Variants in MPDZ observed in about 807,000 individuals in gnomAD.
MPDZ encodes multiple PDZ domain protein.
In MPDZ, 234 loss-of-function variants were observed where a neutral mutation model predicts 239.1. The observed-to-expected ratio is 0.98, with a 90% confidence interval of 0.88 to 1.09. MPDZ has a LOEUF of 1.09. Among genes scored for constraint, MPDZ ranks in the 50% least tolerant of loss-of-function variants. The pLI, the probability that MPDZ is intolerant of heterozygous loss-of-function variation, is 0.00. For synonymous variants in MPDZ, 1,048 were observed against 881.3 expected (o/e 1.19, Z -3.35); for missense variants, 3,175 against 2,510.0 (o/e 1.26, Z -5.66).
intron 1 of MPDZ, among the ~76,000 whole-genome samples, chr9:13,269,788 A>G (rs548179346): frequency 6.6e-6 from 1 of 152,330 alleles, no homozygotes; most frequent in African/African-American, 2.4e-5. Flanking sequence ...CTGAGAATAC[A>G]CTAAGAAAAT....
At chr9:13,154,478 T>TA (rs1949583266) in intron 24 of MPDZ, among the ~76,000 whole-genome samples, 1 of 152,126 alleles carries the variant, frequency 6.6e-6, no homozygotes, top group Non-Finnish European at 1.5e-5. Flanking sequence ...TTTTGCTACT[T>TA]AATGATTATG....
chr9:13,224,462 A>G lies in MPDZ; in HGVS notation c.305T>C (p.Leu102Pro). The change falls in exon 4 of 47, where the codon CTG becomes CCG. Residue 102 changes from leucine (L) to proline (P), a missense_variant. Leu to Pro is a moderately conservative substitution (Grantham distance 98). Coordinates refer to ENST00000319217, the MANE Select transcript of MPDZ (RefSeq NM_001378778.1). ...SFLLSPNNGN[L>P]EALTGPGIPH... The stretch of plus-strand genomic sequence containing the variant: ...AATACCAGGTCCTGTAAGTGCTTCC[A>G]GATTCCCATTGTTTGGGGATAATAA... 6.2e-7 allele frequency: 1 copy of G among 1,613,024 alleles called. No homozygotes were observed. Among genetic ancestry groups the G allele is most frequent in the African/African-American group, 1.3e-5 (1 of 74,988 alleles).
At chr9:13,184,268 T>C (rs914477175) in intron 18 of MPDZ, among the ~76,000 whole-genome samples, 8 of 151,966 alleles carry the variant, frequency 5.3e-5, no homozygotes, top group Non-Finnish European at 1.2e-4. Context: ...AGAATCAAGA[T>C]TAATATTTAA....
intron 27 of MPDZ, among the ~76,000 whole-genome samples, chr9:13,140,423 C>A: frequency 7.1e-6 from 1 of 141,102 alleles, no homozygotes; most frequent in African/African-American, 2.7e-5. Context: ...TATATATGAG[C>A]TTTCCATTAT....
intron 17 of MPDZ, among the ~76,000 whole-genome samples, chr9:13,188,433 G>A (rs143616697): frequency 2.3e-4 from 35 of 152,088 alleles, no homozygotes; most frequent in African/African-American, 7.7e-4. Context: ...CAGGAGAATC[G>A]CTTGAATCTA....
chr9:13,236,171 TTTTG>T (rs1963879096), intron 3 of MPDZ, among the ~76,000 whole-genome samples: 1 of 142,800 alleles, frequency 7.0e-6, no homozygotes, highest in South Asian at 2.3e-4. Context: ...AAATGCTGGG[TTTTG>T]TGTGTGTGTG....
intron 44 of MPDZ, 129 bp from the exon 45 acceptor site, chr9:13,110,193 T>C: frequency 4.4e-6 from 3 of 683,592 alleles, no homozygotes; most frequent in South Asian, 1.8e-5. Context: ...TCTGTTAACA[T>C]AAAATACAAC....
intron 3 of MPDZ, among the ~76,000 whole-genome samples, chr9:13,231,154 T>C (rs1001929717): frequency 6.6e-6 from 1 of 151,874 alleles, no homozygotes; most frequent in Non-Finnish European, 1.5e-5. Context: ...ATTTCCAGCA[T>C]TGGGAATAAA....
At chr9:13,273,946 A>C (rs1973591828) in intron 1 of MPDZ, among the ~76,000 whole-genome samples, 1 of 152,238 alleles carries the variant, frequency 6.6e-6, no homozygotes, top group Admixed American at 6.5e-5. Context: ...ATAACATTTA[A>C]TAATCTCAGA....
In MPDZ at chr9:13,222,530, A is replaced by G. The variant is rs1028213334; in HGVS notation, c.534-84T>C. 1.4e-5 allele frequency: 15 copies of G among 1,068,530 alleles called. No individual in the cohort carries two copies. The African/African-American group carries it at 2.2e-4, about 16-fold the overall frequency. The allele number at this position is 1,068,530 out of a possible 1,614,324, so 66.2% of individuals were successfully genotyped here. A position where few individuals can be genotyped will look rare whatever the true frequency, so the allele number is the denominator to read the frequency against. On this transcript the variant is annotated intron_variant, in intron 5 of 46. Coordinates refer to ENST00000319217, the MANE Select transcript of MPDZ (RefSeq NM_001378778.1). ...CTTCTTTGGCATGTATGTTCAAGTC[A>G]TTTTTAATCCTATTTTTAATTCCCA...
intron 8 of MPDZ, among the ~76,000 whole-genome samples, chr9:13,218,034 T>A (rs1239476115): frequency 6.6e-6 from 1 of 151,830 alleles, no homozygotes; most frequent in African/African-American, 2.4e-5. Context: ...TGTCAGCAGA[T>A]CCTACAGAGA....
At chr9:13,120,026 G>C (rs1944095334) in intron 38 of MPDZ, 1 of 197,926 alleles carries the variant, frequency 5.1e-6, no homozygotes, top group African/African-American at 2.4e-5. Flanking sequence ...ATGGAGCTTT[G>C]AATAATATTA....
At chr9:13,274,576 T>C (rs1382020022) in intron 1 of MPDZ, 1 of 151,342 alleles carries the variant, frequency 6.6e-6, no homozygotes, top group Non-Finnish European at 1.5e-5. Flanking sequence ...ATGGCTCTAA[T>C]GGTTTCATTA....
At chr9:13,218,909 A>G (rs973818299) in intron 8 of MPDZ, among the ~76,000 whole-genome samples, 1 of 151,892 alleles carries the variant, frequency 6.6e-6, no homozygotes, top group East Asian at 1.9e-4. Flanking sequence ...AGCTTTTTTC[A>G]TATCAAGTTG....
chr9:13,128,814 A>C (rs975526446), intron 32 of MPDZ, among the ~76,000 whole-genome samples: 1 of 152,202 alleles, frequency 6.6e-6, no homozygotes, highest in African/African-American at 2.4e-5. Flanking sequence ...TAAAAGAAGT[A>C]GCACATGGCC....
At chr9:13,123,672 T>G (rs1944702789) in intron 35 of MPDZ, among the ~76,000 whole-genome samples, 1 of 152,166 alleles carries the variant, frequency 6.6e-6, no homozygotes, top group South Asian at 2.1e-4. Flanking sequence ...ACACATTTCT[T>G]ATGAATTAAA....
In MPDZ at chr9:13,162,789, A is replaced by C; in HGVS notation, c.3261T>G (p.Thr1087=). 1 of 1,609,276 alleles carries C rather than the reference A, an allele frequency of 6.2e-7. No homozygotes were observed. ...CTTCCAAATGTTCTGCAGGCACATAAGTAATTCTGGAACAAACCAGAATCC... is the reference window on the plus strand; with the variant it reads ...CTTCCAAATGTTCTGCAGGCACATACGTAATTCTGGAACAAACCAGAATCC... ...HSLIGPDIKI[T]YVPAEHLEEF... Residue 1087 remains threonine (T), a synonymous_variant, in exon 23 of 47, where the codon ACT becomes ACG. Coordinates refer to ENST00000319217, the MANE Select transcript of MPDZ (RefSeq NM_001378778.1).
intron 21 of MPDZ, among the ~76,000 whole-genome samples, chr9:13,169,741 C>T (rs1176318214): frequency 6.6e-6 from 1 of 152,174 alleles, no homozygotes; most frequent in Non-Finnish European, 1.5e-5. Flanking sequence ...AACATACTTG[C>T]TCAGCACAGT....
At chr9:13,126,325 G>A (rs930313653) in intron 34 of MPDZ, among the ~76,000 whole-genome samples, 191 bp downstream of exon 34, 5 of 152,082 alleles carry the variant, frequency 3.3e-5, no homozygotes, top group African/African-American at 7.2e-5. Flanking sequence ...GTGTGGCAAC[G>A]AAAAATACCT....
Sources: gnomAD v4.1 joint callset for allele counts (sites outside exome capture counted in the v4.1 genomes callset) on GRCh38, gnomAD v4.1.1 for gene constraint, MANE v1.5 for transcripts, NCBI Gene and HGNC (gene_info 2026-07-23, HGNC 2026-07-21) for gene names.